TBCD: variants seen among roughly 807,000 people sequenced by gnomAD.
TBCD encodes tubulin-specific chaperone D.
A neutral mutation model predicts 169.3 loss-of-function variants in TBCD; 105 were observed. That is an observed-to-expected ratio of 0.62 (90% CI 0.53 to 0.73). The LOEUF (loss-of-function observed/expected upper bound fraction) is 0.73, where lower values mean the gene tolerates loss of function less well. Among genes scored for constraint, TBCD ranks in the 30% least tolerant of loss-of-function variants. The pLI is 0.00. For missense variants in TBCD, 1,444 were observed against 1,600.1 expected (o/e 0.90, Z 1.66); for synonymous variants, 700 against 643.9 (o/e 1.09, Z -1.32).
At chr17:82,857,757 T>TA (rs2056432950) in intron 13 of TBCD, among the ~76,000 whole-genome samples, 7 of 150,970 alleles carry the variant, frequency 4.6e-5, no homozygotes, top group Admixed American at 3.3e-4. Flanking sequence ...TTTTTTTTTT[T>TA]TTTTAATTTA....
intron 17 of TBCD, among the ~76,000 whole-genome samples, chr17:82,895,602 G>A (rs551079188): frequency 6.6e-6 from 1 of 152,142 alleles, no homozygotes; most frequent in East Asian, 1.9e-4. Flanking sequence ...TTGGGAGACG[G>A]GAGAGGGCTG....
At chr17:82,861,633 T>G (rs1295980319) in intron 13 of TBCD, among the ~76,000 whole-genome samples, 1 of 152,174 alleles carries the variant, frequency 6.6e-6, no homozygotes, top group African/African-American at 2.4e-5. Flanking sequence ...GCTTGGTAAA[T>G]GCACAGATGG....
intron 27 of TBCD, among the ~76,000 whole-genome samples, chr17:82,925,497 C>G (rs1044207696): frequency 1.3e-5 from 2 of 152,118 alleles, no homozygotes; most frequent in Non-Finnish European, 2.9e-5. Flanking sequence ...CTCACGCTTT[C>G]CTGTGGTGCT....
chr17:82,873,568 G>A (rs576713817), intron 14 of TBCD, among the ~76,000 whole-genome samples: 1 of 152,348 alleles, frequency 6.6e-6, no homozygotes, highest in East Asian at 1.9e-4. Flanking sequence ...AGCTGGGGCC[G>A]GAGAGAAAAG....
At chr17:82,757,200 G>T (rs1012924964) in intron 2 of TBCD, among the ~76,000 whole-genome samples, 3 of 152,170 alleles carry the variant, frequency 2.0e-5, no homozygotes, top group African/African-American at 4.8e-5. Flanking sequence ...CTTTGCCGGG[G>T]TTTCCTCGCC....
At chr17:82,887,143 G>GTA (rs1198530920) in intron 15 of TBCD, among the ~76,000 whole-genome samples, 1 of 104,990 alleles carries the variant, frequency 9.5e-6, no homozygotes, top group Non-Finnish European at 1.9e-5. Flanking sequence ...GTGTGTGTGT[G>GTA]TGTGTGTGTG....
chr17:82,932,594 C>CCA, intron 33 of TBCD, 64 bp from the exon 34 acceptor site: 1 of 1,357,072 alleles, frequency 7.4e-7, no homozygotes, highest in Non-Finnish European at 1.0e-6. Context: ...GACTCTCAGC[C>CCA]ATTCAGGGAG....
chr17:82,840,568 A>G (rs941640671), intron 13 of TBCD: 16 of 152,246 alleles, frequency 1.1e-4, no homozygotes, highest in African/African-American at 3.9e-4. Flanking sequence ...GCCGGCAGGG[A>G]GGGAGCTTAT....
intron 7 of TBCD, among the ~76,000 whole-genome samples, chr17:82,797,170 G>T (rs1216424236): frequency 6.6e-6 from 1 of 152,220 alleles, no homozygotes; most frequent in East Asian, 1.9e-4. Flanking sequence ...AGGAGGGCTA[G>T]AACCAGTGTT....
Position 82,915,907 on chromosome 17 carries a change from A to G in TBCD, c.2038+4118A>G, listed in dbSNP as rs890569979. ...TGTGGGGGTGAGGGCTCCGTGCTCCATCTCTGATGCCCTGTACACACCTGC... is the reference window on the plus strand; with the variant it reads ...TGTGGGGGTGAGGGCTCCGTGCTCCGTCTCTGATGCCCTGTACACACCTGC... On this transcript the variant is annotated intron_variant, in intron 23 of 38. Transcript: ENST00000355528. This position sits in a 1 kb window ranked among gnomAD's most constrained non-coding sequence, Gnocchi z 4.3. 3.3e-5 allele frequency among the ~76,000 whole-genome samples: 5 copies of G among 152,170 alleles called. No individual in the cohort carries two copies. The highest frequency in any genetic ancestry group is 4.4e-5 in the Non-Finnish European group (3 of 68,024).
At position 82,754,968 on chromosome 17, in the gene TBCD, TGAGG is replaced by T. The variant is rs1335378788; in HGVS notation, c.185-1196_185-1193del. Among the ~76,000 whole-genome samples, 3 of 152,222 alleles carry T rather than the reference TGAGG, an allele frequency of 2.0e-5. 1 individual carries two copies. The highest frequency in any genetic ancestry group is 7.2e-5 in the African/African-American group (3 of 41,450). Reference sequence around the variant, plus strand: ...GTTTAGAAGGTTAAGGGTGTGCCCGTGAGGCAGCCTCAGGAGGTCACATGTCCCC... The same window carrying T: ...GTTTAGAAGGTTAAGGGTGTGCCCGTCAGCCTCAGGAGGTCACATGTCCCC... On this transcript the variant is annotated intron_variant, in intron 1 of 38. Coordinates refer to ENST00000355528, the MANE Select transcript of TBCD (RefSeq NM_005993.5).
chr17:82,779,066 C>T (rs1398726995), intron 6 of TBCD, among the ~76,000 whole-genome samples: 2 of 151,474 alleles, frequency 1.3e-5, no homozygotes, highest in East Asian at 3.9e-4. Context: ...GGCTGGAGTG[C>T]AATGGTGAGA....
chr17:82,792,325 T>A (rs1020327011), intron 7 of TBCD, among the ~76,000 whole-genome samples: 2 of 150,484 alleles, frequency 1.3e-5, no homozygotes, highest in Admixed American at 6.6e-5. Context: ...AAAAAAAAAA[T>A]TATATGTATA....
chr17:82,838,638 A>G (rs564093677), intron 13 of TBCD: 580 of 985,434 alleles, frequency 5.9e-4, no homozygotes, highest in Admixed American at 9.8e-4. Context: ...TTTTACTCCA[A>G]TTGAGCTTTT....
intron 9 of TBCD, among the ~76,000 whole-genome samples, chr17:82,802,565 T>C (rs2050649346): frequency 6.6e-6 from 1 of 152,230 alleles, no homozygotes; most frequent in South Asian, 2.1e-4. Context: ...TGGTGGTTCT[T>C]GGCCAAAGGC....
rs1255683590 is a variant in TBCD at position 82,831,551 on chromosome 17, A to G, written c.1318+16617A>G. On this transcript the variant is annotated intron_variant, in intron 13 of 38. Coordinates refer to ENST00000355528, the MANE Select transcript of TBCD (RefSeq NM_005993.5). This position sits in a 1 kb window ranked among gnomAD's most constrained non-coding sequence, Gnocchi z 4.6. ...TGCTGGAAAAACCTGTAGTGATCGT[A>G]TGTGGCTGGAGATGGAGCCAGGTGC... 6.2e-7 allele frequency: 1 copy of G among 1,614,134 alleles called. No homozygotes were observed. Among genetic ancestry groups the G allele is most frequent in the Non-Finnish European group, 8.5e-7 (1 of 1,180,014 alleles).
rs1444748261 is a variant in TBCD at position 82,930,348 on chromosome 17, C to T, written c.2992-174C>T. On this transcript the variant is annotated intron_variant, in intron 32 of 38. Coordinates refer to ENST00000355528, the MANE Select transcript of TBCD (RefSeq NM_005993.5). This position sits in a 1 kb window ranked among gnomAD's most constrained non-coding sequence, Gnocchi z 5.2. ...GCCTTGTGTCTGCTTCGGGTGTCTG[C>T]ACTGTGAGTGGCTCCGTGCTGGCGT... 1.7e-5 allele frequency: 15 copies of T among 859,644 alleles called. No homozygotes were observed. Among genetic ancestry groups the T allele is most frequent in the Non-Finnish European group, 2.6e-5 (15 of 577,648 alleles). 53.3% of individuals were successfully genotyped at this position (859,644 alleles called of 1,614,324 possible).
intron 13 of TBCD, among the ~76,000 whole-genome samples, chr17:82,863,332 C>G (rs903278455): frequency 6.6e-6 from 1 of 152,158 alleles, no homozygotes; most frequent in East Asian, 1.9e-4. Context: ...GCTGTGGCTT[C>G]GCAGACCCGG....
chr17:82,845,111 C>T (rs894925662), intron 13 of TBCD, among the ~76,000 whole-genome samples: 1 of 151,946 alleles, frequency 6.6e-6, no homozygotes, highest in Non-Finnish European at 1.5e-5. Context: ...GTGCTGGCGC[C>T]GCGGCCTCTG....
Sources: gnomAD v4.1 joint callset for allele counts (sites outside exome capture counted in the v4.1 genomes callset) on GRCh38, gnomAD v4.1.1 for gene constraint, Gnocchi (gnomAD v3.1) non-coding constraint, MANE v1.5 for transcripts, NCBI Gene and HGNC (gene_info 2026-07-23, HGNC 2026-07-21) for gene names.